The following TNFSF4 variants were observed in gnomAD, a reference collection of about 807,000 sequenced individuals.
TNFSF4 encodes the protein TNF superfamily member 4, also known as tumor necrosis factor ligand superfamily member 4.
Under a neutral mutation model 7.3 loss-of-function variants are expected in TNFSF4, and 4 were observed. That is an observed-to-expected ratio of 0.55 (90% CI 0.27 to 1.25). The LOEUF is 1.25. TNFSF4 is among the 50% of genes most tolerant of loss of function. The pLI, the probability that TNFSF4 is intolerant of heterozygous loss-of-function variation, is 0.12. For missense variants in TNFSF4, 181 were observed against 208.8 expected (o/e 0.87, Z 0.82); for synonymous variants, 76 against 83.7 (o/e 0.91, Z 0.50).
At chr1:173,254,365 G>C in the TNFSF4 span, among the ~76,000 whole-genome samples, 1 of 152,136 alleles carries the variant, frequency 6.6e-6, no homozygotes, top group African/African-American at 2.4e-5. Context: ...GAAAAAAATG[G>C]CTGATTATTA....
chr1:173,220,815 C>G, the TNFSF4 span, among the ~76,000 whole-genome samples: 2 of 152,174 alleles, frequency 1.3e-5, no homozygotes, highest in South Asian at 4.2e-4. Context: ...TTAAGCCACC[C>G]AAACTATAGG....
the TNFSF4 span, among the ~76,000 whole-genome samples, chr1:173,277,344 C>A: frequency 6.6e-6 from 1 of 152,114 alleles, no homozygotes; most frequent in African/African-American, 2.4e-5. Flanking sequence ...AGGGAAAGTG[C>A]AGTCTTAAAC....
At chr1:173,280,652 T>C in the TNFSF4 span, among the ~76,000 whole-genome samples, 2 of 152,150 alleles carry the variant, frequency 1.3e-5, no homozygotes, top group African/African-American at 4.8e-5. Context: ...TTTTTAGCTT[T>C]CACTATGGAA....
chr1:173,401,358 C>G, the TNFSF4 span, among the ~76,000 whole-genome samples: 1 of 152,162 alleles, frequency 6.6e-6, no homozygotes, highest in Non-Finnish European at 1.5e-5. Flanking sequence ...TATGTGTCAA[C>G]TTGGCTGGAT....
intron 1 of TNFSF4, among the ~76,000 whole-genome samples, chr1:173,193,660 G>C (rs761457925): frequency 6.7e-6 from 1 of 149,436 alleles, no homozygotes; most frequent in Non-Finnish European, 1.5e-5. Context: ...TTAGAGAAAA[G>C]AAGAAGTTGC....
chr1:173,352,464 G>A, the TNFSF4 span, among the ~76,000 whole-genome samples: 496 of 152,264 alleles, frequency 3.3e-3, 1 homozygote, highest in African/African-American at 0.01. Flanking sequence ...CTGGGTGTCC[G>A]GGGGAGACAT....
At chr1:173,357,499 C>T in the TNFSF4 span, among the ~76,000 whole-genome samples, 2,810 of 152,058 alleles carry the variant, frequency 0.018, 95 homozygotes, top group African/African-American at 0.065. Context: ...AGCTCTGAAG[C>T]AGTTCTGGGA....
the TNFSF4 span, among the ~76,000 whole-genome samples, chr1:173,250,796 T>C: frequency 6.6e-6 from 1 of 152,174 alleles, no homozygotes; most frequent in African/African-American, 2.4e-5. Context: ...TAAATATTTT[T>C]TGGAGGATTG....
chr1:173,290,039 C>G, the TNFSF4 span, among the ~76,000 whole-genome samples: 1 of 151,842 alleles, frequency 6.6e-6, no homozygotes, highest in East Asian at 1.9e-4. Flanking sequence ...TCTTGATGAA[C>G]CACAAGCAGA....
the TNFSF4 span, among the ~76,000 whole-genome samples, chr1:173,297,439 G>A: frequency 0.49 from 74,734 of 151,818 alleles, 19,558 homozygotes; most frequent in East Asian, 0.63. Flanking sequence ...AGCCAGGGTT[G>A]AGTGCCGGAT....
the TNFSF4 span, among the ~76,000 whole-genome samples, chr1:173,212,819 T>G: frequency 6.6e-6 from 1 of 151,938 alleles, no homozygotes; most frequent in South Asian, 2.1e-4. Context: ...ATACCTACTA[T>G]GTATTCACAA....
chr1:173,184,769 T>C lies in TNFSF4; in HGVS notation c.*1747A>G, dbSNP rs1406872562. 6.6e-6 allele frequency: 1 copy of C among 152,114 alleles called. No homozygotes were observed. Among genetic ancestry groups the C allele is most frequent in the Non-Finnish European group, 1.5e-5 (1 of 68,026 alleles). 9.4% of individuals were successfully genotyped at this position (152,114 alleles called of 1,614,324 possible). ...AGTAGTGAAGCCAGATATCATTGAA[T>C]ATCTGTCTCAGAATGATTCTTGTAA... On this transcript the variant is annotated 3_prime_UTR_variant, in exon 3 of 3. Coordinates refer to ENST00000281834, the MANE Select transcript of TNFSF4 (RefSeq NM_003326.5).
the TNFSF4 span, among the ~76,000 whole-genome samples, chr1:173,219,669 TACACACAC>T: frequency 2.7e-5 from 4 of 146,890 alleles, no homozygotes; most frequent in South Asian, 2.2e-4. Flanking sequence ...GAAATTGTGA[TACACACAC>T]ACACACACAC....
At chr1:173,303,664 A>T in the TNFSF4 span, among the ~76,000 whole-genome samples, 1 of 151,914 alleles carries the variant, frequency 6.6e-6, no homozygotes, top group Non-Finnish European at 1.5e-5. Context: ...TAACGTAAAA[A>T]ACATCCCACA....
At chr1:173,425,062 A>G in the TNFSF4 span, among the ~76,000 whole-genome samples, 8 of 152,224 alleles carry the variant, frequency 5.3e-5, no homozygotes, top group Non-Finnish European at 1.2e-4. Context: ...GGAATTGTCA[A>G]TATTCCACCC....
the TNFSF4 span, among the ~76,000 whole-genome samples, chr1:173,329,407 T>G: frequency 1.3e-5 from 2 of 152,194 alleles, no homozygotes; most frequent in Non-Finnish European, 2.9e-5. Flanking sequence ...ACATGTTCAG[T>G]GCAGATGCAA....
the TNFSF4 span, among the ~76,000 whole-genome samples, chr1:173,287,856 G>A: frequency 1.2e-4 from 19 of 152,266 alleles, no homozygotes; most frequent in South Asian, 3.9e-3. Context: ...ATCAATATTG[G>A]TACAAGTTTG....
the TNFSF4 span, among the ~76,000 whole-genome samples, chr1:173,273,101 C>T: frequency 6.6e-6 from 1 of 152,106 alleles, no homozygotes; most frequent in Non-Finnish European, 1.5e-5. Flanking sequence ...TTTTTCCTTG[C>T]AAATTGATGT....
At chr1:173,242,604 A>G in the TNFSF4 span, among the ~76,000 whole-genome samples, 1 of 152,148 alleles carries the variant, frequency 6.6e-6, no homozygotes, top group Non-Finnish European at 1.5e-5. Context: ...TTTAAAGATT[A>G]GGGGGGATTA....
Sources: gnomAD v4.1 joint callset for allele counts (sites outside exome capture counted in the v4.1 genomes callset) on GRCh38, gnomAD v4.1.1 for gene constraint, MANE v1.5 for transcripts, NCBI Gene and HGNC (gene_info 2026-07-23, HGNC 2026-07-21) for gene names.